Variants in PGCKA1 observed in about 807,000 individuals in gnomAD.
PGCKA1 encodes PDCD10 and GCKIII kinases associated 1, also known as PDCD10 and GCKIII kinases-associated protein 1.
At chr4:37,485,305 T>C in the PGCKA1 span, among the ~76,000 whole-genome samples, 3 of 152,228 alleles carry the variant, frequency 2.0e-5, no homozygotes, top group South Asian at 6.2e-4. Flanking sequence ...TGTTGAGAGG[T>C]GGGGCCTTTA....
chr4:37,575,703 G>A, the PGCKA1 span, among the ~76,000 whole-genome samples: 1 of 151,946 alleles, frequency 6.6e-6, no homozygotes, highest in Non-Finnish European at 1.5e-5. Flanking sequence ...ACTTTCCCTT[G>A]TCTTCTTGTA....
chr4:37,521,741 T>C, the PGCKA1 span, among the ~76,000 whole-genome samples: 1 of 152,224 alleles, frequency 6.6e-6, no homozygotes, highest in Non-Finnish European at 1.5e-5. Context: ...ATTTCTTTAT[T>C]GATTTTCTGT....
At chr4:37,535,947 G>A in the PGCKA1 span, among the ~76,000 whole-genome samples, 72,310 of 152,138 alleles carry the variant, frequency 0.48, 18,070 homozygotes, top group South Asian at 0.65. Flanking sequence ...TCCTCTGTTA[G>A]ATGAGCTTCA....
the PGCKA1 span, among the ~76,000 whole-genome samples, chr4:37,461,917 G>A: frequency 2.0e-5 from 3 of 152,102 alleles, no homozygotes; most frequent in East Asian, 5.8e-4. Context: ...ATCTTCTAAG[G>A]GAATAAAGAG....
At chr4:37,522,489 T>A in the PGCKA1 span, among the ~76,000 whole-genome samples, 1,324 of 152,266 alleles carry the variant, frequency 8.7e-3, 9 homozygotes, top group Non-Finnish European at 0.015. Flanking sequence ...GACTCTGGTA[T>A]GGCCCCGCAC....
the PGCKA1 span, among the ~76,000 whole-genome samples, chr4:37,582,322 G>T: frequency 2.0e-5 from 3 of 152,186 alleles, no homozygotes; most frequent in African/African-American, 7.2e-5. Flanking sequence ...GTGAACATCA[G>T]TGGAGGCTTC....
the PGCKA1 span, among the ~76,000 whole-genome samples, chr4:37,585,006 G>GT: frequency 0.11 from 13,539 of 123,486 alleles, 1,938 homozygotes; most frequent in African/African-American, 0.34. Context: ...TCTTTGACTT[G>GT]TTTTTTTTTT....
At chr4:37,584,968 CAA>C in the PGCKA1 span, among the ~76,000 whole-genome samples, 1 of 148,050 alleles carries the variant, frequency 6.8e-6, no homozygotes, top group African/African-American at 2.5e-5. Flanking sequence ...CCTTGTTTCT[CAA>C]ACAGTTCTAA....
chr4:37,540,559 T>G, the PGCKA1 span, among the ~76,000 whole-genome samples: 1 of 152,234 alleles, frequency 6.6e-6, no homozygotes, highest in Non-Finnish European at 1.5e-5. Context: ...TGATCATTAC[T>G]TCACACAATG....
At chr4:37,544,951 G>T in the PGCKA1 span, among the ~76,000 whole-genome samples, 2 of 151,780 alleles carry the variant, frequency 1.3e-5, no homozygotes, top group Non-Finnish European at 2.9e-5. Context: ...TGCCCCCCGG[G>T]TTCAAGTGAT....
the PGCKA1 span, chr4:37,588,802 A>G: frequency 3.7e-6 from 5 of 1,351,772 alleles, no homozygotes; most frequent in Non-Finnish European, 5.3e-6. Flanking sequence ...TCCTACTAAT[A>G]TATCACTCAC....
the PGCKA1 span, among the ~76,000 whole-genome samples, chr4:37,537,304 C>T: frequency 3.7e-3 from 570 of 152,258 alleles, 1 homozygote; most frequent in African/African-American, 0.013. Context: ...ACAACTAGAA[C>T]ATCAGCAAGG....
chr4:37,516,715 A>T, the PGCKA1 span, among the ~76,000 whole-genome samples: 1 of 152,234 alleles, frequency 6.6e-6, no homozygotes, highest in African/African-American at 2.4e-5. Flanking sequence ...AACAATTTAT[A>T]AAGTTCCATG....
the PGCKA1 span, among the ~76,000 whole-genome samples, chr4:37,544,797 G>T: frequency 2.0e-5 from 3 of 151,190 alleles, no homozygotes; most frequent in East Asian, 5.8e-4. Flanking sequence ...TCTATTCTTT[G>T]TTTCCTCCAA....
chr4:37,516,429 T>G, the PGCKA1 span, among the ~76,000 whole-genome samples: 1 of 152,264 alleles, frequency 6.6e-6, no homozygotes, highest in African/African-American at 2.4e-5. Flanking sequence ...TATGTGTATC[T>G]TTGCATAATA....
At chr4:37,512,299 T>C in the PGCKA1 span, among the ~76,000 whole-genome samples, 2 of 152,124 alleles carry the variant, frequency 1.3e-5, no homozygotes, top group Admixed American at 6.5e-5. Context: ...TGTTCATCCA[T>C]CTTGCTCCAG....
At chr4:37,469,785 T>C in the PGCKA1 span, among the ~76,000 whole-genome samples, 11 of 152,332 alleles carry the variant, frequency 7.2e-5, no homozygotes, top group South Asian at 4.1e-4. Context: ...ATGCAAAATA[T>C]GTTGGATGGA....
At chr4:37,486,046 TG>T in the PGCKA1 span, among the ~76,000 whole-genome samples, 1 of 152,240 alleles carries the variant, frequency 6.6e-6, no homozygotes, top group Non-Finnish European at 1.5e-5. Context: ...GATATGTCTT[TG>T]TTCAAGGTAG....
chr4:37,495,200 G>T, the PGCKA1 span, among the ~76,000 whole-genome samples: 3 of 152,130 alleles, frequency 2.0e-5, no homozygotes, highest in Non-Finnish European at 4.4e-5. Flanking sequence ...ACGCCAGTTA[G>T]AATGGCGATC....
Sources: allele counts gnomAD v4.1 joint callset (sites outside exome capture counted in the v4.1 genomes callset), GRCh38; gene constraint gnomAD v4.1.1; transcripts MANE v1.5; gene names NCBI Gene and HGNC (gene_info 2026-07-23, HGNC 2026-07-21).